FCHSD2: variants seen among roughly 807,000 people sequenced by gnomAD.
The protein encoded by FCHSD2 is FCH and double SH3 domains 2.
Under a neutral mutation model 108.1 loss-of-function variants are expected in FCHSD2, and 38 were observed. That is an observed-to-expected ratio of 0.35 (90% CI 0.27 to 0.46). The LOEUF is 0.46. FCHSD2 is among the 20% of genes least tolerant of loss of function. FCHSD2 has a pLI of 1.00. For synonymous variants in FCHSD2, 279 were observed against 314.7 expected (o/e 0.89, Z 1.20); for missense variants, 751 against 897.8 (o/e 0.84, Z 2.09).
At position 72,837,612 on chromosome 11, in the gene FCHSD2, G is replaced by T. The variant is rs1233959826; in HGVS notation, c.*1179C>A. ...GCAGGCTTGCTGGCCTGCAGAGAAG[G>T]CCACTCCTGGCTTTCCCTGTGACAC... On this transcript the variant is annotated 3_prime_UTR_variant, in exon 20 of 20. Transcript: ENST00000409418. 6.6e-6 allele frequency: 1 copy of T among 152,226 alleles called. No individual in the cohort carries two copies. Among genetic ancestry groups the T allele is most frequent in the Non-Finnish European group, 1.5e-5 (1 of 68,052 alleles). 9.4% of individuals were successfully genotyped at this position (152,226 alleles called of 1,614,324 possible).
intron 3 of FCHSD2, among the ~76,000 whole-genome samples, chr11:73,073,930 G>T (rs577467829): frequency 2.0e-5 from 3 of 151,910 alleles, no homozygotes; most frequent in Admixed American, 6.6e-5. Flanking sequence ...TTCAAACCAA[G>T]TCCAATCAAA....
rs78339540 is a variant in FCHSD2, at chr11:73,109,556, C to T, written c.120-25816G>A. The stretch of plus-strand genomic sequence containing the variant: ...CAGAAATCTTACTGATTTCTGTATG[C>T]TAATTTCATATCCTGCAAATTTACT... On this transcript the variant is annotated intron_variant, in intron 2 of 19. Coordinates refer to ENST00000409418, the MANE Select transcript of FCHSD2 (RefSeq NM_014824.3). Among the ~76,000 whole-genome samples, 550 of 152,206 alleles carry T rather than the reference C, an allele frequency of 3.6e-3. 2 individuals carry two copies. The highest frequency in any genetic ancestry group is 0.013 in the African/African-American group (522 of 41,544).
At chr11:73,069,310 CAAAAAAA>C (rs369961395) in intron 3 of FCHSD2, among the ~76,000 whole-genome samples, 1 of 45,984 alleles carries the variant, frequency 2.2e-5, no homozygotes, top group Non-Finnish European at 4.3e-5. Context: ...AACTCTGTCT[CAAAAAAA>C]AAAAAAAAAA....
In FCHSD2 at chr11:72,838,297, C is replaced by A. The variant is rs1290188576; in HGVS notation, c.*494G>T. The stretch of plus-strand genomic sequence containing the variant: ...TCTGGGGACTAACCTTGGGGAGGAG[C>A]CAGCCTCTCCTGAAATCCCTCCTTC... On this transcript the variant is annotated 3_prime_UTR_variant, in exon 20 of 20. Transcript: ENST00000409418. 1 of 154,264 alleles carries A rather than the reference C, an allele frequency of 6.5e-6. No homozygotes were observed. Among genetic ancestry groups the A allele is most frequent in the Non-Finnish European group, 1.4e-5 (1 of 69,340 alleles). 9.6% of individuals were successfully genotyped at this position (154,264 alleles called of 1,614,324 possible).
chr11:72,923,521 G>A (rs940686686), intron 8 of FCHSD2, among the ~76,000 whole-genome samples: 2 of 152,020 alleles, frequency 1.3e-5, no homozygotes, highest in Non-Finnish European at 2.9e-5. Context: ...ATTAGGAACG[G>A]TATATCTTTG....
chr11:73,096,254 AAGC>A lies in FCHSD2; in HGVS notation c.120-12517_120-12515del, dbSNP rs1476128011. On this transcript the variant is annotated intron_variant, in intron 2 of 19. Transcript: ENST00000409418. Reference sequence around the variant, plus strand: ...TTAAACTTCTTGTATTTAAAAAAGAAAGCAGGCAGGGAACAGTGGCTCACGTCT... The same window carrying A: ...TTAAACTTCTTGTATTTAAAAAAGAAAGGCAGGGAACAGTGGCTCACGTCT... Among the ~76,000 whole-genome samples, 8 of 152,034 alleles carry A rather than the reference AAGC, an allele frequency of 5.3e-5. No individual in the cohort carries two copies. In the East Asian group the frequency reaches 1.2e-3, roughly 22 times the overall value.
At chr11:72,847,366 C>T (rs747434588) in intron 14 of FCHSD2, among the ~76,000 whole-genome samples, 3 of 152,182 alleles carry the variant, frequency 2.0e-5, no homozygotes, top group Admixed American at 1.3e-4. Context: ...TTTGTTCATG[C>T]CTTCCATCAT....
At chr11:72,997,028 T>G (rs1857530671) in intron 5 of FCHSD2, among the ~76,000 whole-genome samples, 1 of 151,828 alleles carries the variant, frequency 6.6e-6, no homozygotes. Flanking sequence ...ACTTGAGAGG[T>G]AAGGGTCTAG....
At position 72,840,969 on chromosome 11, in the gene FCHSD2, A is replaced by G. The variant is rs775663297; in HGVS notation, c.2057-10T>C. ...GCATGAAGGCTTTTTTCTAAGGGAG[A>G]AAACCAAAGAAGCTCATTTTACTTG... On this transcript the variant is annotated splice_polypyrimidine_tract_variant and intron_variant, in intron 18 of 19. Coordinates refer to ENST00000409418, the MANE Select transcript of FCHSD2 (RefSeq NM_014824.3). 1.9e-6 allele frequency: 3 copies of G among 1,602,492 alleles called. No homozygotes were observed. Among genetic ancestry groups the G allele is most frequent in the Non-Finnish European group, 2.6e-6 (3 of 1,169,868 alleles).
intron 16 of FCHSD2, 39 bp from the exon 17 acceptor site, chr11:72,842,880 A>G: frequency 6.5e-7 from 1 of 1,549,798 alleles, no homozygotes; most frequent in South Asian, 1.1e-5. Flanking sequence ...TAAGATAATT[A>G]ACAGCCGGTT....
chr11:73,051,907 ACACACACACCC>A (rs975646243), intron 3 of FCHSD2, among the ~76,000 whole-genome samples: 2 of 137,414 alleles, frequency 1.5e-5, no homozygotes, highest in African/African-American at 5.5e-5. Flanking sequence ...ACACACACAC[ACACACACACCC>A]CACACACACT....
intron 8 of FCHSD2, among the ~76,000 whole-genome samples, chr11:72,943,916 G>C (rs184212589): frequency 6.6e-6 from 1 of 152,218 alleles, no homozygotes; most frequent in Non-Finnish European, 1.5e-5. Flanking sequence ...TAAATACTCA[G>C]ACTTTAATCA....
chr11:73,079,001 G>A (rs916210011), intron 3 of FCHSD2, among the ~76,000 whole-genome samples: 1 of 152,116 alleles, frequency 6.6e-6, no homozygotes, highest in African/African-American at 2.4e-5. Flanking sequence ...TTACAGGCGT[G>A]CGCTACCGCA....
At chr11:73,124,613 G>A (rs1459830540) in intron 2 of FCHSD2, among the ~76,000 whole-genome samples, 1 of 152,086 alleles carries the variant, frequency 6.6e-6, no homozygotes, top group Non-Finnish European at 1.5e-5. Context: ...AAAATTAGCT[G>A]GGCATGATGG....
At chr11:73,009,286 A>G (rs959641149) in intron 4 of FCHSD2, among the ~76,000 whole-genome samples, 2 of 152,178 alleles carry the variant, frequency 1.3e-5, no homozygotes, top group African/African-American at 4.8e-5. Flanking sequence ...ACTTGAGATC[A>G]AAGAGTTTGA....
intron 5 of FCHSD2, among the ~76,000 whole-genome samples, chr11:72,996,524 T>C (rs1023975647): frequency 2.0e-5 from 3 of 152,206 alleles, no homozygotes; most frequent in African/African-American, 7.2e-5. Context: ...AATGTCAGCA[T>C]ACAGAAAATA....
At chr11:73,019,446 TTATC>T (rs1261305278) in intron 3 of FCHSD2, among the ~76,000 whole-genome samples, 4 of 152,206 alleles carry the variant, frequency 2.6e-5, no homozygotes, top group African/African-American at 4.8e-5. Flanking sequence ...AGAGTGGACT[TTATC>T]TATTTTTTTA....
At chr11:73,110,134 G>C (rs936677000) in intron 2 of FCHSD2, among the ~76,000 whole-genome samples, 2 of 148,248 alleles carry the variant, frequency 1.3e-5, no homozygotes, top group Non-Finnish European at 3.0e-5. Context: ...CAGGAATACT[G>C]GTCTGTAGTT....
intron 13 of FCHSD2, among the ~76,000 whole-genome samples, chr11:72,859,157 A>G (rs1861507696): frequency 1.3e-5 from 2 of 152,212 alleles, no homozygotes; most frequent in Admixed American, 6.5e-5. Flanking sequence ...CCATGGTGCC[A>G]GTTACCCAGT....
Sources: allele counts gnomAD v4.1 joint callset (sites outside exome capture counted in the v4.1 genomes callset), GRCh38; gene constraint gnomAD v4.1.1; transcripts MANE v1.5; gene names NCBI Gene and HGNC (gene_info 2026-07-23, HGNC 2026-07-21).